Variants in LRP1 observed in about 807,000 individuals in gnomAD.
LRP1 encodes the protein LDL receptor related protein 1.
A neutral mutation model predicts 541.5 loss-of-function variants in LRP1; 51 were observed. That is an observed-to-expected ratio of 0.09 (90% CI 0.08 to 0.12). LRP1 has a LOEUF of 0.12. Among genes scored for constraint, LRP1 ranks in the 10% least tolerant of loss-of-function variants. The pLI is 1.00. For synonymous variants in LRP1, 2,219 were observed against 2,470.8 expected, an observed-to-expected ratio of 0.90 and a Z score of 3.02; for missense variants, 3,878 against 6,376.2, an observed-to-expected ratio of 0.61 and a Z score of 13.34.
chr12:57,200,826 G>GACCCCCCCCCCCC lies in LRP1; in HGVS notation c.10225+11_10225+12insACCCCCCCCCCCC. 3 of 1,581,436 alleles carry GACCCCCCCCCCCC rather than the reference G, an allele frequency of 1.9e-6. No homozygotes were observed. Among genetic ancestry groups the GACCCCCCCCCCCC allele is most frequent in the Non-Finnish European group, 1.7e-6 (2 of 1,157,680 alleles). ...ACGAGGCCAACTGTGGTAAGGCGCTGCCCGCCCACCCTCCCTCCTTCCCCA... is the reference window on the plus strand; with the variant it reads ...ACGAGGCCAACTGTGGTAAGGCGCTGACCCCCCCCCCCCCCCGCCCACCCTCCCTCCTTCCCCA... On this transcript the variant is annotated intron_variant, in intron 64 of 88. Coordinates refer to ENST00000243077, the MANE Select transcript of LRP1 (RefSeq NM_002332.3).
chr12:57,199,179 G>A (rs747975486), intron 60 of LRP1, 33 bp from the exon 61 acceptor site: 10 of 1,603,390 alleles, frequency 6.2e-6, no homozygotes, highest in Non-Finnish European at 8.5e-6. Context: ...AGCTCCGGCT[G>A]ACTGGCACTG....
intron 76 of LRP1, 33 bp from the exon 77 acceptor site, chr12:57,208,005 G>A: frequency 6.2e-7 from 1 of 1,605,678 alleles, no homozygotes; most frequent in Non-Finnish European, 8.5e-7. Flanking sequence ...GGAAGACAAA[G>A]CAGTGGCCCC....
intron 3 of LRP1, among the ~76,000 whole-genome samples, chr12:57,142,737 A>G (rs1284529908): frequency 6.6e-6 from 1 of 152,150 alleles, no homozygotes; most frequent in Admixed American, 6.5e-5. Context: ...ACTCTTTTCT[A>G]GGTTTTCCAG....
chr12:57,198,598 C>A lies in LRP1; in HGVS notation c.9604C>A (p.Arg3202Ser). The A allele has an allele frequency of 6.2e-7, 1 of 1,613,844 alleles. No individual in the cohort carries two copies. The highest frequency in any genetic ancestry group is 8.5e-7 in the Non-Finnish European group (1 of 1,179,960). Residue 3202 changes from arginine (R) to serine (S), a missense_variant, in exon 60 of 89, where the codon CGC (arginine) becomes AGC (serine). Physicochemically the swap from Arg to Ser is moderately radical, Grantham distance 110. Coordinates refer to ENST00000243077, the MANE Select transcript of LRP1 (RefSeq NM_002332.3). Reference protein sequence around the residue: ...NGLTLDYVTERIYWADAREDY... With the variant: ...NGLTLDYVTESIYWADAREDY... ...CCTGACGCTGGACTATGTCACTGAGCGCATCTACTGGGCCGACGCCCGCGA... is the reference window on the plus strand; with the variant it reads ...CCTGACGCTGGACTATGTCACTGAGAGCATCTACTGGGCCGACGCCCGCGA...
At position 57,158,603 on chromosome 12, in the gene LRP1, T is replaced by C; in HGVS notation, c.1763T>C (p.Ile588Thr). ...TTSYLIGRQK[I>T]DGTERETILK... ...AGCTACCTCATTGGCCGCCAGAAGA[T>C]TGATGGCACTGAGCGGGAGACCATC... Residue 588 changes from isoleucine (I) to threonine (T), a missense_variant, in exon 11 of 89, where the codon ATT becomes ACT. By Grantham distance (89) the Ile-to-Thr change is moderately conservative. This residue lies in a region of LRP1 where 496 missense variants were observed against 861.0 expected (regional missense o/e 0.58). Coordinates refer to ENST00000243077, the MANE Select transcript of LRP1 (RefSeq NM_002332.3). The surrounding 1 kb of genome is among the most constrained non-coding windows in gnomAD (Gnocchi z 5.3). The C allele has an allele frequency of 6.2e-7, 1 of 1,614,072 alleles. No individual in the cohort carries two copies. The highest frequency in any genetic ancestry group is 1.1e-5 in the South Asian group (1 of 91,082).
rs564902092 is a variant in LRP1 at position 57,185,134 on chromosome 12, C to T, written c.6392C>T (p.Ser2131Phe). The T allele has an allele frequency of 6.2e-7, 1 of 1,614,174 alleles. No homozygotes were observed. Among genetic ancestry groups the T allele is most frequent in the African/African-American group, 1.3e-5 (1 of 75,042 alleles). Reference sequence around the variant, plus strand: ...GGGAGCAAAGACAATGCCACAGACTCCGTGCCCCTGCGAACCGGCATCGGC... The same window carrying T: ...GGGAGCAAAGACAATGCCACAGACTTCGTGCCCCTGCGAACCGGCATCGGC... ...KRGSKDNATD[S>F]VPLRTGIGVQ... The change falls in exon 40 of 89, where the codon TCC becomes TTC. Residue 2131 changes from serine to phenylalanine, a missense_variant. Physicochemically the swap from Ser to Phe is radical, Grantham distance 155 (BLOSUM62 -2). This residue lies in a region of LRP1 where 1,100 missense variants were observed against 1,827.4 expected (regional missense o/e 0.60). Transcript: ENST00000243077. The surrounding 1 kb of genome is among the most constrained non-coding windows in gnomAD (Gnocchi z 4.9).
Position 57,204,130 on chromosome 12 carries a change from G to A in LRP1, c.10952-280G>A, listed in dbSNP as rs573185515. 2.0e-4 allele frequency: 68 copies of A among 335,036 alleles called. 1 individual carries two copies. The Admixed American group carries it at 2.6e-3, about 13-fold the overall frequency. The allele number at this position is 335,036 out of a possible 1,614,324, so 20.8% of individuals were successfully genotyped here. A position where few individuals can be genotyped will look rare whatever the true frequency, so the allele number is the denominator to read the frequency against. On this transcript the variant is annotated intron_variant, in intron 70 of 88. Coordinates refer to ENST00000243077, the MANE Select transcript of LRP1 (RefSeq NM_002332.3). The surrounding 1 kb of genome is among the most constrained non-coding windows in gnomAD (Gnocchi z 5.3). ...CTACACAGCCCAGTGCTGTTCCCAC[G>A]TCCCCGCTGTGGAACTACACAGCAC...
At chr12:57,208,478 G>T in intron 77 of LRP1, 1 of 593,802 alleles carries the variant, frequency 1.7e-6, no homozygotes, top group Non-Finnish European at 3.0e-6. Context: ...CTCTGCCCTG[G>T]GGAACAGCTC....
chr12:57,212,774 C>G lies in LRP1; in HGVS notation c.*219C>G, dbSNP rs2036946506. ...CCTGCTCCTTGGCACCCCCATGCTG[C>G]CTTCAGGGAGACAGGCAGGGAGGGC... On this transcript the variant is annotated 3_prime_UTR_variant, in exon 89 of 89. Coordinates refer to ENST00000243077, the MANE Select transcript of LRP1 (RefSeq NM_002332.3). This position sits in a 1 kb window ranked among gnomAD's most constrained non-coding sequence, Gnocchi z 5.0. 1 of 533,898 alleles carries G rather than the reference C, an allele frequency of 1.9e-6. No individual in the cohort carries two copies. Among genetic ancestry groups the G allele is most frequent in the Admixed American group, 3.7e-5 (1 of 27,002 alleles). 33.1% of individuals were successfully genotyped at this position (533,898 alleles called of 1,614,324 possible). A position where few individuals can be genotyped will look rare whatever the true frequency, so the allele number is the denominator to read the frequency against.
At chr12:57,153,245 G>C (rs1592613531) in intron 6 of LRP1, among the ~76,000 whole-genome samples, 1 of 151,864 alleles carries the variant, frequency 6.6e-6, no homozygotes, top group Non-Finnish European at 1.5e-5. Context: ...AGTGGTCCTG[G>C]AGAGGAGGAG....
intron 20 of LRP1, among the ~76,000 whole-genome samples, chr12:57,171,162 G>C (rs1003733576): frequency 9.9e-5 from 15 of 152,168 alleles, no homozygotes; most frequent in Admixed American, 5.2e-4. Flanking sequence ...AGATAAGCTG[G>C]GCAAATTTGG....
chr12:57,190,858 C>T lies in LRP1; in HGVS notation c.7085C>T (p.Ala2362Val), dbSNP rs771345617. The change falls in exon 43 of 89, where the codon GCG becomes GTG. Residue 2362 changes from alanine to valine, a missense_variant. Ala to Val is a moderately conservative substitution (Grantham distance 64). Around this residue, in one of 13 missense-constraint regions of LRP1, gnomAD observed 1,100 missense variants for 1,827.4 expected, o/e 0.60. Coordinates refer to ENST00000243077, the MANE Select transcript of LRP1 (RefSeq NM_002332.3). ...NEQHPSIMRA[A>V]LSGANVLTLI... ...CAGCATCCCAGCATCATGCGGGCGG[C>T]GCTCTCGGGAGCCAATGTCCTGACC... 2.4e-5 allele frequency: 38 copies of T among 1,613,908 alleles called. No individual in the cohort carries two copies. The highest frequency in any genetic ancestry group is 1.9e-4 in the South Asian group (17 of 91,086).
chr12:57,138,428 A>G, intron 1 of LRP1, 31 bp from the exon 2 acceptor site: 2 of 1,610,220 alleles, frequency 1.2e-6, no homozygotes, highest in Non-Finnish European at 1.7e-6. Context: ...TCCATCCTTC[A>G]TTTATATCCC....
Position 57,212,353 on chromosome 12 carries a change from G to A in LRP1, c.13495-62G>A, listed in dbSNP as rs1318721397. On this transcript the variant is annotated intron_variant, in intron 88 of 88. Coordinates refer to ENST00000243077, the MANE Select transcript of LRP1 (RefSeq NM_002332.3). This position sits in a 1 kb window ranked among gnomAD's most constrained non-coding sequence, Gnocchi z 5.0. ...TTAGGTGAGGGACGGAGGTGGGGGT[G>A]GGGTAACCTGGGCTACAGGCCCAGC... 3 of 1,613,542 alleles carry A rather than the reference G, an allele frequency of 1.9e-6. No individual in the cohort carries two copies. The African/African-American group carries it at 4.0e-5, about 22-fold the overall frequency.
intron 77 of LRP1, chr12:57,208,456 T>C (rs1006400149): frequency 1.2e-5 from 7 of 598,268 alleles, no homozygotes; most frequent in Admixed American, 5.9e-5. Flanking sequence ...CCGGCTGTCA[T>C]GCACAGCCAC....
chr12:57,206,781 C>T lies in LRP1; in HGVS notation c.11859+40C>T. 4 of 1,598,568 alleles carry T rather than the reference C, an allele frequency of 2.5e-6. No individual in the cohort carries two copies. Among genetic ancestry groups the T allele is most frequent in the Non-Finnish European group, 3.4e-6 (4 of 1,175,414 alleles). ...TGGCGTGGATGGAGTGGAAGAGCTC[C>T]ATAGAGCAGGCGGTTCAGAGCAGGA... is the stretch of plus-strand genomic sequence containing the variant. On this transcript the variant is annotated intron_variant, in intron 76 of 88. Coordinates refer to ENST00000243077, the MANE Select transcript of LRP1 (RefSeq NM_002332.3). The surrounding 1 kb of genome is among the most constrained non-coding windows in gnomAD (Gnocchi z 4.7).
Position 57,143,760 on chromosome 12 carries a change from G to A in LRP1, c.410G>A (p.Ser137Asn). The A allele has an allele frequency of 6.2e-7, 1 of 1,614,114 alleles. No homozygotes were observed. The highest frequency in any genetic ancestry group is 8.5e-7 in the Non-Finnish European group (1 of 1,179,974). Residue 137 changes from serine to asparagine, a missense_variant, in exon 4 of 89, where the codon AGC (serine) becomes AAC (asparagine). Physicochemically the swap from Ser to Asn is conservative, Grantham distance 46. Around this residue, in one of 13 missense-constraint regions of LRP1, gnomAD observed 293 missense variants for 403.7 expected, o/e 0.73. Transcript: ENST00000243077. Reference sequence around the variant, plus strand: ...GATGGGCCCACCTGCTACTGCAACAGCAGCTTTCAGCTTCAGGCAGATGGC... The same window carrying A: ...GATGGGCCCACCTGCTACTGCAACAACAGCTTTCAGCTTCAGGCAGATGGC... ...TLDGPTCYCN[S>N]SFQLQADGKT...
Position 57,160,011 on chromosome 12 carries a change from T to A in LRP1, c.1979+6T>A. 1 of 1,612,882 alleles carries A rather than the reference T, an allele frequency of 6.2e-7. No individual in the cohort carries two copies. Among genetic ancestry groups the A allele is most frequent in the Non-Finnish European group, 8.5e-7 (1 of 1,179,488 alleles). Reference sequence around the variant, plus strand: ...GTGGTGGATCCACTCAATGGGTGAGTCCTCCCAGGCCTTGGGGTGGGAGGA... The same window carrying A: ...GTGGTGGATCCACTCAATGGGTGAGACCTCCCAGGCCTTGGGGTGGGAGGA... On this transcript the variant is annotated splice_donor_region_variant and intron_variant, in intron 12 of 88. Transcript: ENST00000243077.
At position 57,211,182 on chromosome 12, in the gene LRP1, G is replaced by T. The variant is rs2036906095; in HGVS notation, c.12923G>T (p.Cys4308Phe). The change falls in exon 84 of 89, where the codon TGC becomes TTC. Residue 4308 changes from cysteine (C) to phenylalanine (F), a missense_variant. Transcript: ENST00000243077. This position sits in a 1 kb window ranked among gnomAD's most constrained non-coding sequence, Gnocchi z 4.3. ...TCTCCCTCCCCAACCACAGGGCAGTGCTCTGGCTACTGTGAGAACTTTGGC... is the reference window on the plus strand; with the variant it reads ...TCTCCCTCCCCAACCACAGGGCAGTTCTCTGGCTACTGTGAGAACTTTGGC... ...FLGDRCQYRQ[C>F]SGYCENFGTC... is the part of the protein sequence containing the mutation. 6.2e-7 allele frequency: 1 copy of T among 1,614,198 alleles called. No individual in the cohort carries two copies.
Sources: gnomAD v4.1 joint callset for allele counts (sites outside exome capture counted in the v4.1 genomes callset) on GRCh38, gnomAD v4.1.1 for gene constraint, gnomAD v4.1.1 regional missense constraint, Gnocchi (gnomAD v3.1) non-coding constraint, MANE v1.5 for transcripts, NCBI Gene and HGNC (gene_info 2026-07-23, HGNC 2026-07-21) for gene names.